Variants in MAPK10 observed in about 807,000 individuals in gnomAD.
MAPK10 encodes mitogen-activated protein kinase 10.
In MAPK10, 25 loss-of-function variants were observed where a neutral mutation model predicts 59.3. That is an observed-to-expected ratio of 0.42 (90% CI 0.31 to 0.59). The LOEUF is 0.59. Ranked by LOEUF, MAPK10 falls within the 20% of genes least tolerant of loss-of-function variation. MAPK10 has a pLI of 0.15. For synonymous variants in MAPK10, 190 were observed against 200.5 expected (o/e 0.95, Z 0.44); for missense variants, 351 against 568.9 (o/e 0.62, Z 3.90).
intron 1 of MAPK10, among the ~76,000 whole-genome samples, chr4:86,417,156 TA>T (rs1399837232): frequency 2.0e-5 from 3 of 152,246 alleles, no homozygotes; most frequent in Admixed American, 6.5e-5. Flanking sequence ...TATACATTTA[TA>T]TTTGTTAATT....
rs78445457 is a variant in MAPK10 at position 86,345,886 on chromosome 4, C to T, written c.-7+8644G>A. ...GATCCAAAATCCATTACGACCAATT[C>T]ACACCTTAATTCAAGTTAGTTTATC... On this transcript the variant is annotated intron_variant, in intron 2 of 13. Transcript: ENST00000641462. 4.7e-3 allele frequency among the ~76,000 whole-genome samples: 714 copies of T among 152,312 alleles called. 7 individuals are homozygous for T. The highest frequency in any genetic ancestry group is 0.016 in the African/African-American group (674 of 41,566).
intron 1 of MAPK10, among the ~76,000 whole-genome samples, chr4:86,470,972 T>C (rs893519124): frequency 6.6e-6 from 1 of 152,164 alleles, no homozygotes; most frequent in African/African-American, 2.4e-5. Context: ...TGGCATTGTA[T>C]TGCTAACGAA....
At chr4:86,583,625 T>C (rs1393175109) in intron 1 of MAPK10, among the ~76,000 whole-genome samples, 1 of 152,188 alleles carries the variant, frequency 6.6e-6, no homozygotes, top group Non-Finnish European at 1.5e-5. Flanking sequence ...TGATCCTGGA[T>C]TGGATATTGT....
chr4:86,541,207 G>A (rs1178974174), intron 1 of MAPK10, among the ~76,000 whole-genome samples: 1 of 152,188 alleles, frequency 6.6e-6, no homozygotes, highest in Non-Finnish European at 1.5e-5. Flanking sequence ...AGTGGGGGCA[G>A]GGGAGACATA....
intron 1 of MAPK10, among the ~76,000 whole-genome samples, chr4:86,355,209 T>C (rs1733781394): frequency 6.6e-6 from 1 of 152,292 alleles, no homozygotes; most frequent in South Asian, 2.1e-4. Flanking sequence ...CTTCAGAATA[T>C]GTGGCAGTCT....
At chr4:86,056,804 T>C (rs1192716760) in intron 11 of MAPK10, among the ~76,000 whole-genome samples, 1 of 149,522 alleles carries the variant, frequency 6.7e-6, no homozygotes, top group African/African-American at 2.5e-5. Flanking sequence ...CTATAGTAAA[T>C]AGAAAGATTT....
intron 4 of MAPK10, chr4:86,124,876 A>T (rs1169354349): frequency 4.0e-5 from 6 of 151,896 alleles, no homozygotes; most frequent in African/African-American, 1.4e-4. Context: ...CTGCATCTAA[A>T]TTTGGCAAAC....
intron 2 of MAPK10, among the ~76,000 whole-genome samples, chr4:86,210,839 A>C (rs528321496): frequency 1.9e-4 from 29 of 151,800 alleles, no homozygotes; most frequent in Non-Finnish European, 3.1e-4. Flanking sequence ...AGACATGCAA[A>C]AAGTCAAGAA....
At chr4:86,263,509 CT>C (rs1387879803) in intron 2 of MAPK10, among the ~76,000 whole-genome samples, 3 of 152,140 alleles carry the variant, frequency 2.0e-5, no homozygotes, top group Non-Finnish European at 4.4e-5. Context: ...CCAACAAGAC[CT>C]TGCTTTACTT....
chr4:86,473,375 G>A (rs985107081), intron 1 of MAPK10, among the ~76,000 whole-genome samples: 3 of 152,062 alleles, frequency 2.0e-5, no homozygotes, highest in Non-Finnish European at 2.9e-5. Context: ...CTACTGTGAA[G>A]GTTCTCTGAA....
intron 2 of MAPK10, among the ~76,000 whole-genome samples, chr4:86,214,346 C>T (rs1204428038): frequency 6.6e-6 from 1 of 151,698 alleles, no homozygotes; most frequent in African/African-American, 2.4e-5. Context: ...TTCACTTTTA[C>T]ACCTTCTATT....
At chr4:86,156,044 C>A (rs1209982216) in intron 4 of MAPK10, among the ~76,000 whole-genome samples, 1 of 151,882 alleles carries the variant, frequency 6.6e-6, no homozygotes, top group African/African-American at 2.4e-5. Context: ...GAATGGTGTA[C>A]AATTTAAAAC....
At chr4:86,383,388 T>C (rs551062406) in intron 1 of MAPK10, among the ~76,000 whole-genome samples, 10 of 152,332 alleles carry the variant, frequency 6.6e-5, no homozygotes, top group Admixed American at 5.2e-4. Flanking sequence ...GGGTAGAATG[T>C]AACCTGTTCT....
chr4:86,377,428 T>A (rs1739987978), intron 1 of MAPK10, among the ~76,000 whole-genome samples: 2 of 152,184 alleles, frequency 1.3e-5, no homozygotes, highest in South Asian at 4.1e-4. Flanking sequence ...AGTCAGGAGT[T>A]TCCCAGTCCA....
chr4:86,024,261 A>T (rs1336876060), intron 13 of MAPK10: 1 of 152,202 alleles, frequency 6.6e-6, no homozygotes, highest in East Asian at 1.9e-4. Context: ...TTAAACAAAG[A>T]GCATTGAAGA....
intron 2 of MAPK10, among the ~76,000 whole-genome samples, chr4:86,298,266 G>A (rs2095406587): frequency 6.6e-6 from 1 of 151,892 alleles, no homozygotes; most frequent in African/African-American, 2.4e-5. Flanking sequence ...TCCAGATGAG[G>A]GGCTATGACA....
At chr4:86,066,157 T>C (rs1190052755) in intron 10 of MAPK10, among the ~76,000 whole-genome samples, 1 of 152,188 alleles carries the variant, frequency 6.6e-6, no homozygotes, top group Non-Finnish European at 1.5e-5. Flanking sequence ...GAAAAATCAC[T>C]AGTTAAACTT....
At chr4:86,375,181 T>G (rs1005091331) in intron 1 of MAPK10, among the ~76,000 whole-genome samples, 7 of 152,140 alleles carry the variant, frequency 4.6e-5, no homozygotes, top group African/African-American at 1.7e-4. Context: ...CAGAAATGTG[T>G]GCACACACAC....
At chr4:86,261,151 T>A (rs1008306788) in intron 2 of MAPK10, among the ~76,000 whole-genome samples, 9 of 152,218 alleles carry the variant, frequency 5.9e-5, no homozygotes, top group African/African-American at 1.9e-4. Context: ...TATTAAGATA[T>A]CAGCTCATTC....
Sources: allele counts gnomAD v4.1 joint callset (sites outside exome capture counted in the v4.1 genomes callset), GRCh38; gene constraint gnomAD v4.1.1; transcripts MANE v1.5; gene names NCBI Gene and HGNC (gene_info 2026-07-23, HGNC 2026-07-21).